The following WDR90 variants were observed in gnomAD, a reference collection of about 807,000 sequenced individuals.
WDR90 encodes the protein WD repeat domain 90.
Under a neutral mutation model 195.2 loss-of-function variants are expected in WDR90, and 238 were observed. That is an observed-to-expected ratio of 1.22 (90% CI 1.10 to 1.36). The LOEUF (loss-of-function observed/expected upper bound fraction) is 1.36, where lower values mean the gene tolerates loss of function less well. WDR90 is among the 40% of genes most tolerant of loss of function. The pLI is 0.00. For missense variants in WDR90, 2,734 were observed against 2,439.5 expected, an observed-to-expected ratio of 1.12 and a Z score of -2.54; for synonymous variants, 1,265 against 1,052.4, an observed-to-expected ratio of 1.20 and a Z score of -3.91.
In WDR90 at chr16:666,748, G is replaced by A. The variant is rs762487720; in HGVS notation, c.4960G>A (p.Gly1654Ser). 4.3e-6 allele frequency: 7 copies of A among 1,612,850 alleles called. No homozygotes were observed. The highest frequency in any genetic ancestry group is 2.2e-5 in the East Asian group (1 of 44,878). The change falls in exon 39 of 41, where the codon GGT becomes AGT. Residue 1654 changes from glycine to serine, a missense_variant. Gly to Ser is a moderately conservative substitution (Grantham distance 56, BLOSUM62 0). Transcript: ENST00000293879. ...DGALLMYVGP[G>S]VYKEVIIYNL... The stretch of plus-strand genomic sequence containing the variant: ...GGCGCTCCTGATGTACGTGGGCCCC[G>A]GTGTTTACAAGGAGGTGATCATCTA...
chr16:657,832 G>A lies in WDR90; in HGVS notation c.2544G>A (p.Leu848=). 1 of 1,580,858 alleles carries A rather than the reference G, an allele frequency of 6.3e-7. No homozygotes were observed. The highest frequency in any genetic ancestry group is 8.6e-7 in the Non-Finnish European group (1 of 1,163,906). ...CAGTCAGCAGGGATGGCCGCCTGCT[G>A]GCCTTTGTGGGACCCTCCAGGTGCA... is the stretch of plus-strand genomic sequence containing the variant. The part of the protein sequence containing the change: ...ALAVSRDGRL[L]AFVGPSRCTV... Residue 848 remains leucine (L), a synonymous_variant, in exon 21 of 41, where the codon CTG becomes CTA. Coordinates refer to ENST00000293879, the MANE Select transcript of WDR90 (RefSeq NM_145294.5).
chr16:649,042 A>T, upstream of WDR90: 1 of 229,358 alleles, frequency 4.4e-6, no homozygotes, highest in Non-Finnish European at 8.4e-6. Flanking sequence ...CGTCCGTGGC[A>T]TGGCCAGGCC....
Position 659,244 on chromosome 16 carries a change from G to C in WDR90, c.3053-1G>C, listed in dbSNP as rs1247074786. ...ACATCACAGGGCTGCTTCTTCCCCA[G>C]GCCCGGGCGCAGGACCGCTGGAGGA... On this transcript the variant is annotated splice_acceptor_variant, in intron 25 of 40. Transcript: ENST00000293879. LOFTEE classifies it high-confidence loss of function. 2 of 1,611,692 alleles carry C rather than the reference G, an allele frequency of 1.2e-6. No individual in the cohort carries two copies. The highest frequency in any genetic ancestry group is 2.2e-5 in the South Asian group (2 of 91,002).
rs551717245 is a variant in WDR90, at chr16:650,126, C to T, written c.238C>T (p.Pro80Ser). ...RYLYVLFRPL[P>S]SKHFVIHLDV... ...CCTGTATGTGCTCTTTCGGCCCCTG[C>T]CCAGCAAGCACTTCGTCATCCACCT... Residue 80 changes from proline to serine, a missense_variant, in exon 3 of 41, where the codon CCC (proline) becomes TCC (serine). Pro to Ser is a moderately conservative substitution (Grantham distance 74, BLOSUM62 -1). Coordinates refer to ENST00000293879, the MANE Select transcript of WDR90 (RefSeq NM_145294.5). The T allele has an allele frequency of 5.0e-6, 8 of 1,613,082 alleles. No individual in the cohort carries two copies. The African/African-American group carries it at 1.1e-4, about 21-fold the overall frequency.
intron 26 of WDR90, among the ~76,000 whole-genome samples, 180 bp from the exon 27 acceptor site, chr16:659,878 G>A (rs535649457): frequency 2.6e-5 from 4 of 152,328 alleles, no homozygotes; most frequent in African/African-American, 9.6e-5. Flanking sequence ...CCCGTGTGAC[G>A]AGGCAAGGTC....
chr16:660,986 CCAGGCCCCT>C (rs1567220530), intron 28 of WDR90, 56 bp from the exon 29 acceptor site: 4 of 136,240 alleles, frequency 2.9e-5, no homozygotes, highest in African/African-American at 1.9e-4. Context: ...CGGCCCCTCC[CCAGGCCCCT>C]CCCCGCCCCC....
At chr16:657,953 C>T in intron 21 of WDR90, 61 bp downstream of exon 21, 1 of 1,491,780 alleles carries the variant, frequency 6.7e-7, no homozygotes, top group South Asian at 1.3e-5. Flanking sequence ...GCTGCAGGGG[C>T]AGGAGGGAGG....
Position 666,435 on chromosome 16 carries a change from C to G in WDR90, c.4741-20C>G. ...TCTTGGCAGAAGGCACCTGTCGGCC[C>G]TCACCCACTCCATTCCCAGTGTGAA... On this transcript the variant is annotated intron_variant, in intron 37 of 40. Transcript: ENST00000293879. 6.2e-7 allele frequency: 1 copy of G among 1,608,972 alleles called. No individual in the cohort carries two copies. The highest frequency in any genetic ancestry group is 8.5e-7 in the Non-Finnish European group (1 of 1,177,180).
In WDR90 at chr16:650,093, G is replaced by A. The variant is rs751633528; in HGVS notation, c.205G>A (p.Gly69Arg). 4.3e-6 allele frequency: 7 copies of A among 1,612,962 alleles called. No individual in the cohort carries two copies. The highest frequency in any genetic ancestry group is 4.5e-5 in the East Asian group (2 of 44,888). ...KSSTQSLGLT[G>R]RYLYVLFRPL... Reference sequence around the variant, plus strand: ...CAGCACCCAGTCTCTGGGGCTGACGGGACGATACCTGTATGTGCTCTTTCG... The same window carrying A: ...CAGCACCCAGTCTCTGGGGCTGACGAGACGATACCTGTATGTGCTCTTTCG... The change falls in exon 3 of 41, where the codon GGA becomes AGA. Residue 69 changes from glycine (G) to arginine (R), a missense_variant. Physicochemically the swap from Gly to Arg is moderately radical, Grantham distance 125. Coordinates refer to ENST00000293879, the MANE Select transcript of WDR90 (RefSeq NM_145294.5).
At chr16:667,310 C>G in intron 40 of WDR90, 122 bp from the exon 41 acceptor site, 2 of 1,339,658 alleles carry the variant, frequency 1.5e-6, no homozygotes, top group South Asian at 1.5e-5. Context: ...AGCCAGGAGC[C>G]CTTTTAGCAC....
At chr16:664,497 A>C (rs568432268) in intron 34 of WDR90, among the ~76,000 whole-genome samples, 1 of 152,198 alleles carries the variant, frequency 6.6e-6, no homozygotes, top group South Asian at 2.1e-4. Context: ...GCCCGTGGTC[A>C]CTGGTGGCCT....
rs1246701601 is a variant in WDR90 at position 651,941 on chromosome 16, C to T, written c.955C>T (p.Gln319Ter). Residue 319 changes from glutamine (Q) to a stop codon, truncating the protein, a stop_gained, in exon 9 of 41, where the codon CAG (glutamine) becomes TAG (stop). Coordinates refer to ENST00000293879, the MANE Select transcript of WDR90 (RefSeq NM_145294.5). LOFTEE classifies it high-confidence loss of function. Reference protein sequence around the residue: ...PGFHSLEPWAQLEASDIHTAA... With the variant: ...PGFHSLEPWA ...TTTCCATAGCCTTGAGCCCTGGGCC[C>T]AGCTGGAGGCCTCTGACATCCACAC... 1.2e-6 allele frequency: 2 copies of T among 1,608,660 alleles called. No individual in the cohort carries two copies. Among genetic ancestry groups the T allele is most frequent in the Non-Finnish European group, 1.7e-6 (2 of 1,178,564 alleles).
rs764516198 is a variant in WDR90, at chr16:658,318, G to A, written c.2740G>A (p.Ala914Thr). 5 of 1,612,552 alleles carry A rather than the reference G, an allele frequency of 3.1e-6. No homozygotes were observed. The highest frequency in any genetic ancestry group is 4.2e-6 in the Non-Finnish European group (5 of 1,179,872). ...TSSNRVVVLD[A>T]VSGRIIRELP... ...GTCCAACAGAGTCGTGGTGCTGGAT[G>A]CTGTGTCGGGCCGCATCATCCGGGA... Residue 914 changes from alanine to threonine, a missense_variant, in exon 22 of 41, where the codon GCT becomes ACT. Coordinates refer to ENST00000293879, the MANE Select transcript of WDR90 (RefSeq NM_145294.5).
In WDR90 at chr16:649,456, A is replaced by AGGG. The variant is rs2037592710; in HGVS notation, c.10+30_10+31insGGG. On this transcript the variant is annotated intron_variant, in intron 1 of 40. Transcript: ENST00000293879. ...CGCGCGGCTGGCGGGGGTCCCGAGG[A>AGGG]TCCCGGGTTCCGGGGTTCCGGGGTC... 3.1e-6 allele frequency: 4 copies of AGGG among 1,290,628 alleles called. No homozygotes were observed. The African/African-American group carries it at 4.6e-5, about 15-fold the overall frequency. The allele number at this position is 1,290,628 out of a possible 1,614,324, so 79.9% of individuals were successfully genotyped here.
chr16:656,550 AG>A lies in WDR90; in HGVS notation c.2202+17del. On this transcript the variant is annotated intron_variant, in intron 18 of 40. Transcript: ENST00000293879. ...CACCCTGCAGCAGGTGGGGTTTGGC[AG>A]GGGCAGCACGGCAGGGAGGGCCGGG... The A allele has an allele frequency of 6.4e-7, 1 of 1,564,778 alleles. No homozygotes were observed. Among genetic ancestry groups the A allele is most frequent in the Non-Finnish European group, 8.6e-7 (1 of 1,156,564 alleles).
Position 658,949 on chromosome 16 carries a change from G to A in WDR90, c.2949G>A (p.Gln983=), listed in dbSNP as rs771940406. The A allele has an allele frequency of 4.3e-6, 7 of 1,612,754 alleles. No homozygotes were observed. Among genetic ancestry groups the A allele is most frequent in the Non-Finnish European group, 5.9e-6 (7 of 1,179,990 alleles). Residue 983 remains glutamine (Q), a synonymous_variant, in exon 24 of 41, where the codon CAG becomes CAA. Transcript: ENST00000293879. ...AGGCTGTGGCCTTCTCTCCTGACCA[G>A]CAGCAGGTCCTCAGCGCAGGGGACG... ...PVQAVAFSPD[Q]QQVLSAGDAV... is the part of the protein sequence containing the mutation.
At position 655,473 on chromosome 16, in the gene WDR90, G is replaced by T; in HGVS notation, c.1718+5G>T. On this transcript the variant is annotated splice_donor_5th_base_variant and intron_variant, in intron 15 of 40. Transcript: ENST00000293879. ...GGAGCCCTCGGCTGCCATGCTGTGA[G>T]TCCCTGCCCTTCCCCACGGCCTGCC... The T allele has an allele frequency of 1.3e-6, 2 of 1,529,106 alleles. No individual in the cohort carries two copies. Among genetic ancestry groups the T allele is most frequent in the Admixed American group, 3.9e-5 (2 of 50,688 alleles). The allele number at this position is 1,529,106 out of a possible 1,614,324, so 94.7% of individuals were successfully genotyped here.
rs1196296258 is a variant in WDR90, at chr16:666,302, T to A, written c.4692T>A (p.Ser1564Arg). Residue 1564 changes from serine (S) to arginine (R), a missense_variant, in exon 37 of 41, where the codon AGT becomes AGA. Ser to Arg is a moderately radical substitution (Grantham distance 110, BLOSUM62 -1). Transcript: ENST00000293879. ...PCTGTTFRVL[S>R]DHQGAPISTI... ...CAGGGACAACCTTCCGTGTGCTGAG[T>A]GACCACCAGGGCGCCCCAATCTCTA... 6 of 1,612,682 alleles carry A rather than the reference T, an allele frequency of 3.7e-6. No individual in the cohort carries two copies. Among genetic ancestry groups the A allele is most frequent in the Non-Finnish European group, 5.1e-6 (6 of 1,179,970 alleles).
At chr16:658,024 C>G (rs1257604383) in intron 21 of WDR90, 132 bp downstream of exon 21, 1 of 1,455,390 alleles carries the variant, frequency 6.9e-7, no homozygotes. Flanking sequence ...GAGTACACAT[C>G]AGCCATGTGG....
Sources: allele counts gnomAD v4.1 joint callset (sites outside exome capture counted in the v4.1 genomes callset), GRCh38; gene constraint gnomAD v4.1.1; transcripts MANE v1.5; gene names NCBI Gene and HGNC (gene_info 2026-07-23, HGNC 2026-07-21).